PCDHA7: variants seen among roughly 807,000 people sequenced by gnomAD.
The protein encoded by PCDHA7 is protocadherin alpha-7.
Under a neutral mutation model 57.2 loss-of-function variants are expected in PCDHA7, and 37 were observed. That is an observed-to-expected ratio of 0.65 (90% CI 0.50 to 0.85). The LOEUF (loss-of-function observed/expected upper bound fraction) is 0.85. Ranked by LOEUF, PCDHA7 falls within the 40% of genes least tolerant of loss-of-function variation. The pLI is 0.00. For missense variants in PCDHA7, 1,188 were observed against 1,241.8 expected, an observed-to-expected ratio of 0.96 and a Z score of 0.65; for synonymous variants, 553 against 558.8, an observed-to-expected ratio of 0.99 and a Z score of 0.15.
intron 1 of PCDHA7, among the ~76,000 whole-genome samples, chr5:140,837,886 C>T (rs1466183059): frequency 6.6e-6 from 1 of 151,430 alleles, no homozygotes; most frequent in East Asian, 1.9e-4. Context: ...GTCTTGTTTC[C>T]CAGGCTGGTC....
intron 3 of PCDHA7, among the ~76,000 whole-genome samples, chr5:141,007,031 T>C (rs1554261019): frequency 6.6e-6 from 1 of 152,144 alleles, no homozygotes; most frequent in African/African-American, 2.4e-5. Flanking sequence ...ATGGTATTTA[T>C]ATCTATGGAT....
rs781878255 is a variant in PCDHA7 at position 140,856,536 on chromosome 5, A to G, written c.2355+19798A>G. 8.1e-6 allele frequency: 13 copies of G among 1,598,388 alleles called. 1 individual carries two copies. The East Asian group carries it at 2.2e-4, about 27-fold the overall frequency. ...GGCGCATCTGATGCGGATGTTGGAG[A>G]GAACGCATTGCTTACTTACAAACTC... is the stretch of plus-strand genomic sequence containing the variant. On this transcript the variant is annotated intron_variant, in intron 1 of 3. Transcript: ENST00000525929.
chr5:140,891,767 A>C (rs1350557618), intron 1 of PCDHA7, among the ~76,000 whole-genome samples: 2 of 152,156 alleles, frequency 1.3e-5, no homozygotes, highest in African/African-American at 2.4e-5. Context: ...GAGGTGGGGA[A>C]TTTCAGGAAA....
intron 1 of PCDHA7, chr5:140,876,435 C>A (rs1380633697): frequency 1.9e-6 from 3 of 1,613,852 alleles, no homozygotes; most frequent in Non-Finnish European, 1.7e-6. Context: ...TTCAGGTTAA[C>A]GCCATTGATA....
chr5:140,854,522 C>T (rs1554147313), intron 1 of PCDHA7: 1 of 149,908 alleles, frequency 6.7e-6, no homozygotes. Flanking sequence ...GATTAAGTGA[C>T]ACCCATTTCT....
Position 140,855,858 on chromosome 5 carries a change from G to A in PCDHA7, c.2355+19120G>A, listed in dbSNP as rs1203638572. 5 of 715,820 alleles carry A rather than the reference G, an allele frequency of 7.0e-6. 1 individual carries two copies. Among genetic ancestry groups the A allele is most frequent in the Non-Finnish European group, 1.1e-5 (5 of 445,056 alleles). The allele number at this position is 715,820 out of a possible 1,614,324, so 44.3% of individuals were successfully genotyped here. A position where few individuals can be genotyped will look rare whatever the true frequency, so the allele number is the denominator to read the frequency against. On this transcript the variant is annotated intron_variant, in intron 1 of 3. Coordinates refer to ENST00000525929, the MANE Select transcript of PCDHA7 (RefSeq NM_018910.3). ...CTTACACCTAAAGCCACCGGATGTC[G>A]CTGTCGTCCACAAAATAGCTTTTTA...
At chr5:140,952,352 A>G (rs2094730295) in intron 1 of PCDHA7, among the ~76,000 whole-genome samples, 1 of 103,372 alleles carries the variant, frequency 9.7e-6, no homozygotes, top group Non-Finnish European at 2.0e-5. Flanking sequence ...AAAAAAAAAA[A>G]AAGAAAGAAA....
chr5:141,010,201 C>G lies in PCDHA7; in HGVS notation c.*264C>G, dbSNP rs782495760. On this transcript the variant is annotated 3_prime_UTR_variant, in exon 4 of 4. Coordinates refer to ENST00000525929, the MANE Select transcript of PCDHA7 (RefSeq NM_018910.3). ...GCAGACCCAAGTTTCCTTTCTCCTC[C>G]GCCGCAAAGGAGAGGCTTCCCAGCC... 9.0e-6 allele frequency: 14 copies of G among 1,551,916 alleles called. No homozygotes were observed. Among genetic ancestry groups the G allele is most frequent in the Non-Finnish European group, 1.0e-5 (12 of 1,147,084 alleles).
chr5:140,914,944 CTTTTTT>C (rs35695909), intron 1 of PCDHA7, among the ~76,000 whole-genome samples: 1 of 128,266 alleles, frequency 7.8e-6, no homozygotes, highest in Non-Finnish European at 1.7e-5. Flanking sequence ...GAAAAGTTGT[CTTTTTT>C]TTTTTTTTTT....
Position 140,848,795 on chromosome 5 carries a change from G to A in PCDHA7, c.2355+12057G>A. 3 of 1,592,816 alleles carry A rather than the reference G, an allele frequency of 1.9e-6. 1 individual carries two copies. Among genetic ancestry groups the A allele is most frequent in the Non-Finnish European group, 2.6e-6 (3 of 1,163,690 alleles). On this transcript the variant is annotated intron_variant, in intron 1 of 3. Transcript: ENST00000525929. ...GCGAGGAGCTGTGCGGGCGGAGCGC[G>A]GAGTGCAGCATCCACCTGGAGGTGA...
intron 1 of PCDHA7, among the ~76,000 whole-genome samples, chr5:140,909,911 A>T (rs747486870): frequency 1.3e-5 from 2 of 152,144 alleles, no homozygotes; most frequent in Non-Finnish European, 2.9e-5. Flanking sequence ...AATGGCAATC[A>T]TTTCCCTTTC....
rs1359439804 is a variant in PCDHA7 at position 140,846,369 on chromosome 5, CTTTCTTTTTT to C, written c.2355+9635_2355+9644del. ...TTCTCTTTTTTCTTTTCTTTTCTTTCTTTCTTTTTTTTTTTTTTTTTTTGAGACGGAGTCT... is the reference window on the plus strand; with the variant it reads ...TTCTCTTTTTTCTTTTCTTTTCTTTCTTTTTTTTTTTTTGAGACGGAGTCT... On this transcript the variant is annotated intron_variant, in intron 1 of 3. Coordinates refer to ENST00000525929, the MANE Select transcript of PCDHA7 (RefSeq NM_018910.3). 7.0e-4 allele frequency among the ~76,000 whole-genome samples: 72 copies of C among 102,178 alleles called. 4 individuals are homozygous for C. The highest frequency in any genetic ancestry group is 2.6e-3 in the African/African-American group (68 of 26,232). The allele number at this position is 102,178 out of a possible 152,430, so 67.0% of individuals were successfully genotyped here.
At chr5:140,841,710 C>T (rs574481490) in intron 1 of PCDHA7, 1 of 1,613,856 alleles carries the variant, frequency 6.2e-7, no homozygotes, top group South Asian at 1.1e-5. Context: ...AATGACAACC[C>T]GCCAGTGTTC....
intron 1 of PCDHA7, chr5:140,928,602 GC>G: frequency 1.2e-6 from 2 of 1,614,176 alleles, no homozygotes; most frequent in Non-Finnish European, 1.7e-6. Flanking sequence ...TGGAAATTGT[GC>G]CCCGCTCTGC....
rs1440009442 is a variant in PCDHA7, at chr5:140,964,448, A to G, written c.2356-14501A>G. Among the ~76,000 whole-genome samples the G allele has an allele frequency of 3.3e-5, 5 of 152,212 alleles. No homozygotes were observed. The South Asian group carries it at 8.3e-4, about 25-fold the overall frequency. On this transcript the variant is annotated intron_variant, in intron 1 of 3. Transcript: ENST00000525929. ...AAAATTACCAAGCCTCTGCCACTGT[A>G]ATCTCTTCCTTAAGTGCCTATGATT...
intron 1 of PCDHA7, among the ~76,000 whole-genome samples, chr5:140,951,224 A>G (rs539647356): frequency 3.2e-4 from 49 of 151,938 alleles, no homozygotes; most frequent in Non-Finnish European, 6.9e-4. Context: ...TGGATTCTTG[A>G]TGGTCTTTAC....
At chr5:140,927,592 G>A in intron 1 of PCDHA7, 5 of 1,614,170 alleles carry the variant, frequency 3.1e-6, no homozygotes, top group Non-Finnish European at 4.2e-6. Context: ...GCCTGTATTT[G>A]AGCGCTCCGT....
intron 1 of PCDHA7, chr5:140,875,959 G>A: frequency 1.2e-6 from 2 of 1,614,070 alleles, no homozygotes; most frequent in South Asian, 1.1e-5. Flanking sequence ...TGCGGATATC[G>A]GCGTAAACTC....
intron 1 of PCDHA7, among the ~76,000 whole-genome samples, chr5:140,911,247 A>G (rs2075389238): frequency 6.6e-6 from 1 of 152,124 alleles, no homozygotes; most frequent in Non-Finnish European, 1.5e-5. Context: ...AAAAAGTTTC[A>G]TCAGAATTTA....
Sources: gnomAD v4.1 joint callset for allele counts (sites outside exome capture counted in the v4.1 genomes callset) on GRCh38, gnomAD v4.1.1 for gene constraint, MANE v1.5 for transcripts, NCBI Gene and HGNC (gene_info 2026-07-23, HGNC 2026-07-21) for gene names.